Variants in ITPRID1 observed in about 807,000 individuals in gnomAD.
The protein encoded by ITPRID1 is protein ITPRID1.
ITPRID1 carries 96 observed loss-of-function variants against 95.4 expected under a neutral mutation model. That is an observed-to-expected ratio of 1.01 (90% confidence interval 0.85 to 1.19). ITPRID1 has a LOEUF of 1.19. ITPRID1 is among the 50% of genes most tolerant of loss of function. The probability of loss-of-function intolerance (pLI) is 0.00; values close to 1 mark genes in which losing one functional copy is unlikely to be tolerated. For synonymous variants in ITPRID1, 510 were observed against 453.6 expected, an observed-to-expected ratio of 1.12 and a Z score of -1.58; for missense variants, 1,339 against 1,252.9, an observed-to-expected ratio of 1.07 and a Z score of -1.04.
intron 10 of ITPRID1, among the ~76,000 whole-genome samples, chr7:31,621,259 C>A (rs1377592195): frequency 1.4e-5 from 2 of 147,890 alleles, no homozygotes; most frequent in African/African-American, 2.5e-5. Flanking sequence ...GCAGAGAATG[C>A]CACAAAGATA....
At position 31,620,425 on chromosome 7, in the gene ITPRID1, G is replaced by A. The variant is rs150089719; in HGVS notation, c.1229-21751G>A. The stretch of plus-strand genomic sequence containing the variant: ...TCTGAGACAAAACTTCCAGAGGAAC[G>A]ATCAGACAGCAGCATTCGAGATTCA... On this transcript the variant is annotated intron_variant, in intron 10 of 14. Coordinates refer to ENST00000615280, the MANE Select transcript of ITPRID1 (RefSeq NM_001257967.3). Among the ~76,000 whole-genome samples the A allele has an allele frequency of 2.2e-3, 334 of 151,796 alleles. 1 individual carries two copies. Among genetic ancestry groups the A allele is most frequent in the African/African-American group, 6.9e-3 (287 of 41,374 alleles).
At chr7:31,587,707 G>A (rs1785680195) in intron 10 of ITPRID1, among the ~76,000 whole-genome samples, 1 of 151,334 alleles carries the variant, frequency 6.6e-6, no homozygotes, top group Admixed American at 6.6e-5. Flanking sequence ...AAAGAACAAA[G>A]CTGGAGGCAT....
chr7:31,644,310 C>G (rs966259134), intron 12 of ITPRID1, among the ~76,000 whole-genome samples: 2 of 152,204 alleles, frequency 1.3e-5, no homozygotes, highest in Admixed American at 6.5e-5. Context: ...GTCTTAAATT[C>G]GTTTAGCTAT....
At position 31,620,029 on chromosome 7, in the gene ITPRID1, C is replaced by A. The variant is rs550203314; in HGVS notation, c.1229-22147C>A. 3.9e-5 allele frequency among the ~76,000 whole-genome samples: 6 copies of A among 152,298 alleles called. No individual in the cohort carries two copies. In the East Asian group the frequency reaches 9.7e-4, roughly 25 times the overall value. The stretch of plus-strand genomic sequence containing the variant: ...GCTAGCACAGCAGTCTGAGATCAAA[C>A]TGCAAGGTGGCAGCGAGGCTGGGGG... On this transcript the variant is annotated intron_variant, in intron 10 of 14. Transcript: ENST00000615280.
At chr7:31,538,484 T>C (rs1783832015) in intron 1 of ITPRID1, among the ~76,000 whole-genome samples, 1 of 152,222 alleles carries the variant, frequency 6.6e-6, no homozygotes, top group African/African-American at 2.4e-5. Context: ...ATAAAGTCCT[T>C]AAAGCAAACA....
At chr7:31,529,759 A>C in intron 1 of ITPRID1, 1 of 1,535,046 alleles carries the variant, frequency 6.5e-7, no homozygotes, top group Non-Finnish European at 8.7e-7. Flanking sequence ...AGATCTCCAC[A>C]CATACTTTGA....
rs774908502 is a variant in ITPRID1, at chr7:31,642,252, C to T, written c.1305C>T (p.Pro435=). Residue 435 remains proline (P), a synonymous_variant, in exon 11 of 15, where the codon CCC becomes CCT. Coordinates refer to ENST00000615280, the MANE Select transcript of ITPRID1 (RefSeq NM_001257967.3). ...GFLEEPLEPL[P]LQMPSLPNSQ... ...TGGAGGAGCCGCTGGAACCGCTGCC[C>T]CTCCAGGTAGGAGGGTTTGGAACAG... 17 of 1,550,672 alleles carry T rather than the reference C, an allele frequency of 1.1e-5. No homozygotes were observed. The South Asian group carries it at 1.9e-4, about 17-fold the overall frequency.
intron 5 of ITPRID1, among the ~76,000 whole-genome samples, chr7:31,557,364 C>T (rs1784482371): frequency 1.3e-5 from 2 of 152,016 alleles, no homozygotes; most frequent in South Asian, 4.2e-4. Context: ...GAGTCTTCAG[C>T]CTTTGGACTG....
At chr7:31,533,362 C>T (rs1783662383) in intron 1 of ITPRID1, among the ~76,000 whole-genome samples, 1 of 152,112 alleles carries the variant, frequency 6.6e-6, no homozygotes, top group African/African-American at 2.4e-5. Context: ...TCTTCCTGCT[C>T]TTTTTATCAA....
At position 31,655,658 on chromosome 7, in the gene ITPRID1, C is replaced by G; in HGVS notation, c.*2829C>G. On this transcript the variant is annotated 3_prime_UTR_variant, in exon 15 of 15. Coordinates refer to ENST00000615280, the MANE Select transcript of ITPRID1 (RefSeq NM_001257967.3). ...CTCCCACTGCATCATCCCTTTTTGC[C>G]ACATCCCCATCTTGGCTCCTATATC... 2.4e-6 allele frequency: 2 copies of G among 848,246 alleles called. No individual in the cohort carries two copies. Among genetic ancestry groups the G allele is most frequent in the Non-Finnish European group, 2.8e-6 (2 of 704,668 alleles). 52.5% of individuals were successfully genotyped at this position (848,246 alleles called of 1,614,324 possible).
At chr7:31,572,383 AT>A (rs11338324) in intron 7 of ITPRID1, among the ~76,000 whole-genome samples, 195 bp downstream of exon 7, 2,090 of 152,330 alleles carry the variant, frequency 0.014, 39 homozygotes, top group African/African-American at 0.048. Flanking sequence ...ATATCTGTCA[AT>A]GGGGAAATGG....
chr7:31,539,068 A>G (rs1430444269), intron 1 of ITPRID1, among the ~76,000 whole-genome samples: 1 of 152,224 alleles, frequency 6.6e-6, no homozygotes, highest in Non-Finnish European at 1.5e-5. Context: ...GTACCAGTTT[A>G]TGTATCCATT....
intron 1 of ITPRID1, among the ~76,000 whole-genome samples, chr7:31,517,045 A>G (rs1783065753): frequency 6.6e-6 from 1 of 152,206 alleles, no homozygotes; most frequent in Non-Finnish European, 1.5e-5. Flanking sequence ...ACTGGTATGA[A>G]CCCAAGGAAT....
At chr7:31,573,214 A>G (rs974462239) in intron 7 of ITPRID1, among the ~76,000 whole-genome samples, 1 of 152,210 alleles carries the variant, frequency 6.6e-6, no homozygotes, top group Non-Finnish European at 1.5e-5. Flanking sequence ...CAAAAATGCT[A>G]AGAGAATATT....
At chr7:31,571,029 TTTTG>T (rs376663746) in intron 6 of ITPRID1, among the ~76,000 whole-genome samples, 28 of 151,472 alleles carry the variant, frequency 1.8e-4, no homozygotes, top group African/African-American at 6.0e-4. Context: ...TATTGTTTTT[TTTTG>T]TTTGTTTGTT....
chr7:31,546,420 T>A (rs1399296233), intron 1 of ITPRID1, among the ~76,000 whole-genome samples: 1 of 151,948 alleles, frequency 6.6e-6, no homozygotes, highest in African/African-American at 2.4e-5. Context: ...TGTGTGTGCG[T>A]GCGCATATAA....
rs766560371 is a variant in ITPRID1 at position 31,652,657 on chromosome 7, A to G, written c.2963A>G (p.Asp988Gly). Reference protein sequence around the residue: ...GMAPRTVFPPDDGQEAPCSGG... With the variant: ...GMAPRTVFPPGDGQEAPCSGG... Reference sequence around the variant, plus strand: ...GCCCCGAGGACTGTGTTTCCTCCCGATGATGGCCAGGAGGCTCCCTGTTCA... The same window carrying G: ...GCCCCGAGGACTGTGTTTCCTCCCGGTGATGGCCAGGAGGCTCCCTGTTCA... The change falls in exon 15 of 15, where the codon GAT becomes GGT. Residue 988 changes from aspartate (D) to glycine (G), a missense_variant. By Grantham distance (94) the Asp-to-Gly change is moderately conservative (BLOSUM62 -1). Coordinates refer to ENST00000615280, the MANE Select transcript of ITPRID1 (RefSeq NM_001257967.3). The G allele has an allele frequency of 1.9e-6, 3 of 1,613,868 alleles. No homozygotes were observed. The highest frequency in any genetic ancestry group is 2.5e-6 in the Non-Finnish European group (3 of 1,179,860).
rs187449261 is a variant in ITPRID1, at chr7:31,650,238, G to A, written c.2584-904G>A. On this transcript the variant is annotated intron_variant, in intron 12 of 14. Transcript: ENST00000615280. ...TACTCTTAGAAAGGGCCTATGTCAG[G>A]TGTTGGCGAAAGCAAACAGTAAATT... Among the ~76,000 whole-genome samples, 9 of 152,278 alleles carry A rather than the reference G, an allele frequency of 5.9e-5. No individual in the cohort carries two copies. In the East Asian group the frequency reaches 1.7e-3, roughly 29 times the overall value.
Position 31,652,541 on chromosome 7 carries a change from G to A in ITPRID1, c.2847G>A (p.Glu949=), listed in dbSNP as rs761786845. ...AGCAGCTGGAGGTTCTCACAGCAGA[G>A]CCACCTGAACACTATTCAAATCTGC... ...ILLQLEVLTA[E]PPEHYSNLHQ... The change falls in exon 15 of 15, where the codon GAG becomes GAA. Residue 949 remains glutamate, a synonymous_variant. Coordinates refer to ENST00000615280, the MANE Select transcript of ITPRID1 (RefSeq NM_001257967.3). 2.5e-6 allele frequency: 4 copies of A among 1,604,426 alleles called. No individual in the cohort carries two copies. Among genetic ancestry groups the A allele is most frequent in the South Asian group, 2.2e-5 (2 of 89,556 alleles).
Sources: gnomAD v4.1 joint callset for allele counts (sites outside exome capture counted in the v4.1 genomes callset) on GRCh38, gnomAD v4.1.1 for gene constraint, MANE v1.5 for transcripts, NCBI Gene and HGNC (gene_info 2026-07-23, HGNC 2026-07-21) for gene names.